CELF2: variants seen among roughly 807,000 people sequenced by gnomAD.
CELF2 encodes CUG triplet repeat RNA-binding protein 2.
CELF2 carries 8 observed loss-of-function variants against 62.6 expected under a neutral mutation model. The ratio of observed to expected loss-of-function variants is 0.13; its 90% CI spans 0.07 to 0.23. The LOEUF is 0.23. CELF2 is among the 10% of genes least tolerant of loss of function. The probability of loss-of-function intolerance (pLI) is 1.00; values close to 1 mark genes in which losing one functional copy is unlikely to be tolerated. For synonymous variants in CELF2, 258 were observed against 250.0 expected, an observed-to-expected ratio of 1.03 and a Z score of -0.30; for missense variants, 333 against 671.0, an observed-to-expected ratio of 0.50 and a Z score of 5.56.
the CELF2 span, among the ~76,000 whole-genome samples, chr10:10,722,556 C>A: frequency 6.6e-6 from 1 of 152,170 alleles, no homozygotes; most frequent in Admixed American, 6.5e-5. Flanking sequence ...CCTCTCAACT[C>A]TTTGACTGAG....
chr10:10,564,027 T>C, the CELF2 span, among the ~76,000 whole-genome samples: 1 of 152,222 alleles, frequency 6.6e-6, no homozygotes, highest in South Asian at 2.1e-4. Context: ...CATTAAAAAG[T>C]GCAAGTAGAA....
chr10:11,194,864 G>C (rs1012024547), intron 2 of CELF2, among the ~76,000 whole-genome samples: 1 of 152,132 alleles, frequency 6.6e-6, no homozygotes, highest in Non-Finnish European at 1.5e-5. Context: ...ATATTTTATA[G>C]TACCATCTGG....
intron 2 of CELF2, among the ~76,000 whole-genome samples, chr10:11,212,129 T>C (rs2062004869): frequency 6.6e-6 from 1 of 152,220 alleles, no homozygotes; most frequent in African/African-American, 2.4e-5. Context: ...CTTTCCAAGC[T>C]GAACATATGC....
At chr10:10,889,100 C>A (rs2061961326) in intron 1 of CELF2, among the ~76,000 whole-genome samples, 1 of 152,210 alleles carries the variant, frequency 6.6e-6, no homozygotes, top group African/African-American at 2.4e-5. Context: ...GTAAAACCTT[C>A]TGTGATGAAG....
chr10:11,049,720 G>A (rs1208316052), intron 1 of CELF2, among the ~76,000 whole-genome samples: 1 of 152,102 alleles, frequency 6.6e-6, no homozygotes, highest in Non-Finnish European at 1.5e-5. Context: ...TGACTTGCCT[G>A]CCTCCTTGTA....
intron 1 of CELF2, among the ~76,000 whole-genome samples, chr10:11,138,004 C>A (rs1401369555): frequency 6.6e-6 from 1 of 151,732 alleles, no homozygotes; most frequent in African/African-American, 2.4e-5. Flanking sequence ...TTAATTGTGC[C>A]CCAATAAAAA....
intron 2 of CELF2, among the ~76,000 whole-genome samples, chr10:11,190,635 A>G (rs1213227751): frequency 2.0e-5 from 3 of 152,046 alleles, no homozygotes; most frequent in African/African-American, 4.8e-5. Flanking sequence ...AAAAATTCAC[A>G]AAGTAGGCTG....
the CELF2 span, among the ~76,000 whole-genome samples, chr10:10,568,197 G>A: frequency 6.4e-4 from 97 of 152,192 alleles, no homozygotes; most frequent in Non-Finnish European, 1.3e-3. Flanking sequence ...CAATCCATTT[G>A]AAAGCATGGG....
chr10:11,100,029 C>T (rs573423487), intron 1 of CELF2, among the ~76,000 whole-genome samples: 7 of 151,780 alleles, frequency 4.6e-5, no homozygotes, highest in African/African-American at 1.2e-4. Context: ...GGCGAAACCC[C>T]GTCCCTACTA....
chr10:10,745,124 A>AC, the CELF2 span, among the ~76,000 whole-genome samples: 2 of 48,246 alleles, frequency 4.1e-5, no homozygotes, highest in Non-Finnish European at 8.5e-5. Flanking sequence ...AAAAAAAAAA[A>AC]AAACAAAACA....
chr10:10,764,128 G>T, the CELF2 span, among the ~76,000 whole-genome samples: 1 of 152,226 alleles, frequency 6.6e-6, no homozygotes, highest in African/African-American at 2.4e-5. Context: ...GGAAAGGAAA[G>T]GAGATGTCAG....
rs967372464 is a variant in CELF2 at position 10,931,138 on chromosome 10, T to C, written c.89+11139T>C. Among the ~76,000 whole-genome samples, 1 of 152,250 alleles carries C rather than the reference T, an allele frequency of 6.6e-6. No homozygotes were observed. Among genetic ancestry groups the C allele is most frequent in the Non-Finnish European group, 1.5e-5 (1 of 68,042 alleles). On this transcript the variant is annotated intron_variant, in intron 2 of 13. Coordinates refer to the CELF2 transcript ENST00000636488. This position sits in a 1 kb window ranked among gnomAD's most constrained non-coding sequence, Gnocchi z 6.1. Reference sequence around the variant, plus strand: ...TCGGATTAGGTTTTGTAAATGTTTCTATTATGTATTTTCCTTTTCCTTCTT... The same window carrying C: ...TCGGATTAGGTTTTGTAAATGTTTCCATTATGTATTTTCCTTTTCCTTCTT...
chr10:10,664,790 A>AG, the CELF2 span, among the ~76,000 whole-genome samples: 1 of 152,174 alleles, frequency 6.6e-6, no homozygotes, highest in Non-Finnish European at 1.5e-5. Flanking sequence ...TCGTGGGCAG[A>AG]TCTCCCTCTT....
the CELF2 span, among the ~76,000 whole-genome samples, chr10:10,463,695 G>T: frequency 6.6e-6 from 1 of 152,078 alleles, no homozygotes; most frequent in African/African-American, 2.4e-5. Context: ...AGAGGTTTAG[G>T]CTTGTCAATG....
At chr10:10,487,622 G>A in the CELF2 span, among the ~76,000 whole-genome samples, 1 of 152,088 alleles carries the variant, frequency 6.6e-6, no homozygotes, top group East Asian at 1.9e-4. Flanking sequence ...ACCTTTGGAA[G>A]TTTCATAACC....
chr10:11,027,448 G>A (rs936406974), intron 1 of CELF2, among the ~76,000 whole-genome samples: 2 of 152,016 alleles, frequency 1.3e-5, no homozygotes, highest in East Asian at 1.9e-4. Flanking sequence ...CCTTTCCTGT[G>A]TTGGAGAGGA....
At chr10:10,773,094 T>A in the CELF2 span, among the ~76,000 whole-genome samples, 1 of 152,206 alleles carries the variant, frequency 6.6e-6, no homozygotes, top group East Asian at 1.9e-4. Context: ...GTGAACAGCA[T>A]CTGCCACTTG....
chr10:10,650,937 T>G, the CELF2 span, among the ~76,000 whole-genome samples: 3 of 151,944 alleles, frequency 2.0e-5, no homozygotes, highest in Non-Finnish European at 1.5e-5. Flanking sequence ...GACCGGTGAT[T>G]TCTGCATTTC....
the CELF2 span, among the ~76,000 whole-genome samples, chr10:10,645,653 C>CA: frequency 6.6e-6 from 1 of 151,842 alleles, no homozygotes; most frequent in African/African-American, 2.4e-5. Flanking sequence ...GACTTTGTCT[C>CA]AAAAAAATAA....
Sources: gnomAD v4.1 joint callset for allele counts (sites outside exome capture counted in the v4.1 genomes callset) on GRCh38, gnomAD v4.1.1 for gene constraint, Gnocchi (gnomAD v3.1) non-coding constraint, MANE v1.5 for transcripts, NCBI Gene and HGNC (gene_info 2026-07-23, HGNC 2026-07-21) for gene names.